WWOX: variants seen among roughly 807,000 people sequenced by gnomAD.
WWOX encodes WW domain containing oxidoreductase, also known as WW domain-containing oxidoreductase.
WWOX carries 69 observed loss-of-function variants against 46.2 expected under a neutral mutation model. The observed-to-expected ratio is 1.49, with a 90% CI of 1.23 to 1.82. The LOEUF (loss-of-function observed/expected upper bound fraction) is 1.82. WWOX is among the 40% of genes most tolerant of loss of function. WWOX has a pLI of 0.00. For synonymous variants in WWOX, 359 were observed against 202.6 expected (o/e 1.77, Z -6.56); for missense variants, 919 against 542.6 (o/e 1.69, Z -6.89).
chr16:78,702,046 A>ATATATAT (rs2048232458), intron 8 of WWOX, among the ~76,000 whole-genome samples: 3 of 91,438 alleles, frequency 3.3e-5, no homozygotes, highest in African/African-American at 1.4e-4. Context: ...TATATATATA[A>ATATATAT]AATAATGCAG....
intron 8 of WWOX, among the ~76,000 whole-genome samples, chr16:78,928,019 G>C (rs952133987): frequency 2.6e-5 from 4 of 151,964 alleles, no homozygotes; most frequent in Non-Finnish European, 5.9e-5. Context: ...ATGAAGTCTT[G>C]CTAGAATGCA....
At chr16:78,315,589 G>A (rs1351132363) in intron 5 of WWOX, among the ~76,000 whole-genome samples, 1 of 152,160 alleles carries the variant, frequency 6.6e-6, no homozygotes, top group African/African-American at 2.4e-5. Flanking sequence ...AGCAGAGGTT[G>A]TAGTGAGCTG....
chr16:78,187,158 G>A (rs1321067207), intron 5 of WWOX, among the ~76,000 whole-genome samples: 1 of 152,198 alleles, frequency 6.6e-6, no homozygotes, highest in Non-Finnish European at 1.5e-5. Context: ...CAGGTTAACT[G>A]AGGGTAATTG....
chr16:78,501,814 G>C (rs2085077127), intron 8 of WWOX, among the ~76,000 whole-genome samples: 1 of 152,160 alleles, frequency 6.6e-6, no homozygotes, highest in Admixed American at 6.5e-5. Context: ...TGGAATCTGA[G>C]AAGTTACGTG....
At chr16:78,505,119 C>T (rs1040447199) in intron 8 of WWOX, among the ~76,000 whole-genome samples, 3 of 152,132 alleles carry the variant, frequency 2.0e-5, no homozygotes, top group Non-Finnish European at 4.4e-5. Context: ...GCGTTCACAC[C>T]AGGCAGCCCC....
At chr16:78,831,219 T>G (rs1325748763) in intron 8 of WWOX, among the ~76,000 whole-genome samples, 4 of 139,362 alleles carry the variant, frequency 2.9e-5, no homozygotes, top group Non-Finnish European at 6.2e-5. Flanking sequence ...CGAGGTCATG[T>G]TTTCCCTCCA....
intron 8 of WWOX, among the ~76,000 whole-genome samples, chr16:78,975,277 A>G (rs2046548677): frequency 6.6e-6 from 1 of 152,160 alleles, no homozygotes; most frequent in African/African-American, 2.4e-5. Flanking sequence ...GTCTAGAGAC[A>G]TTTTTGATTG....
At chr16:78,314,940 A>G (rs1026545464) in intron 5 of WWOX, among the ~76,000 whole-genome samples, 40 of 152,102 alleles carry the variant, frequency 2.6e-4, no homozygotes, top group African/African-American at 9.2e-4. Context: ...CAGTTAACAC[A>G]TGGGATGGGA....
chr16:78,635,961 C>CTA (rs1181619716), intron 8 of WWOX, among the ~76,000 whole-genome samples: 4 of 152,142 alleles, frequency 2.6e-5, no homozygotes, highest in Admixed American at 6.5e-5. Flanking sequence ...CAGAGGAAGC[C>CTA]TTGGCCTAAT....
intron 8 of WWOX, chr16:79,196,334 A>G (rs566441433): frequency 6.6e-6 from 1 of 152,306 alleles, no homozygotes; most frequent in South Asian, 2.1e-4. Flanking sequence ...AATGCTTAAA[A>G]TTCACAAGTC....
chr16:78,982,181 C>G (rs1053983838), intron 8 of WWOX, among the ~76,000 whole-genome samples: 4 of 152,190 alleles, frequency 2.6e-5, no homozygotes, highest in Non-Finnish European at 1.5e-5. Flanking sequence ...CGACCCCAAA[C>G]AGCCTCTTTC....
intron 8 of WWOX, among the ~76,000 whole-genome samples, chr16:79,121,012 A>C (rs1455687936): frequency 6.6e-6 from 1 of 152,004 alleles, no homozygotes; most frequent in East Asian, 1.9e-4. Flanking sequence ...CAGGTGATCC[A>C]CCTGCCTTGG....
chr16:79,045,119 T>C (rs749883927), intron 8 of WWOX, among the ~76,000 whole-genome samples: 8 of 152,236 alleles, frequency 5.3e-5, no homozygotes, highest in Non-Finnish European at 1.0e-4. Flanking sequence ...ATTCGTTCAT[T>C]CATTTATTCT....
Position 79,093,784 on chromosome 16 carries a change from T to A in WWOX, c.1057-117824T>A, listed in dbSNP as rs117040800. Among the ~76,000 whole-genome samples, 1,521 of 152,276 alleles carry A rather than the reference T, an allele frequency of 1.0e-2. 19 individuals are homozygous for A. Among genetic ancestry groups the A allele is most frequent in the Non-Finnish European group, 0.011 (766 of 68,012 alleles). On this transcript the variant is annotated intron_variant, in intron 8 of 8. Coordinates refer to ENST00000566780, the MANE Select transcript of WWOX (RefSeq NM_016373.4). ...CTCCAATCATTGATACTTTTCTCTC[T>A]TGCTTCCCCTCCCCCTGCCCTTCGA...
chr16:79,145,592 C>G (rs1250682674), intron 8 of WWOX, among the ~76,000 whole-genome samples: 1 of 152,110 alleles, frequency 6.6e-6, no homozygotes, highest in Non-Finnish European at 1.5e-5. Flanking sequence ...TGTCAATTGT[C>G]ACATTATTTT....
At chr16:79,211,509 A>C in intron 8 of WWOX, 99 bp from the exon 9 acceptor site, 1 of 1,491,488 alleles carries the variant, frequency 6.7e-7, no homozygotes, top group Non-Finnish European at 9.2e-7. Flanking sequence ...AAACTGAACC[A>C]GGTGGGGGAG....
intron 5 of WWOX, 67 bp downstream of exon 5, chr16:78,164,356 A>G: frequency 7.2e-7 from 1 of 1,384,244 alleles, no homozygotes; most frequent in Non-Finnish European, 1.0e-6. Context: ...CCATATGGAG[A>G]TTTCAGTGGA....
intron 8 of WWOX, among the ~76,000 whole-genome samples, chr16:79,063,828 AAAC>A (rs2048396116): frequency 2.0e-5 from 3 of 152,354 alleles, no homozygotes; most frequent in African/African-American, 7.2e-5. Context: ...TGGGAAACCT[AAAC>A]AACCAGATGA....
intron 4 of WWOX, among the ~76,000 whole-genome samples, chr16:78,141,449 T>TTG (rs2033984653): frequency 6.7e-6 from 1 of 150,284 alleles, no homozygotes; most frequent in African/African-American, 2.4e-5. Context: ...TTTTTTTTTT[T>TTG]GCATCCTGTA....
Sources: allele counts gnomAD v4.1 joint callset (sites outside exome capture counted in the v4.1 genomes callset), GRCh38; gene constraint gnomAD v4.1.1; transcripts MANE v1.5; gene names NCBI Gene and HGNC (gene_info 2026-07-23, HGNC 2026-07-21).